Variants in ABCC8 observed in about 807,000 individuals in gnomAD.
The protein encoded by ABCC8 is ATP-binding cassette sub-family C member 8.
ABCC8 carries 137 observed loss-of-function variants against 188.0 expected under a neutral mutation model. The ratio of observed to expected loss-of-function variants is 0.73; its 90% CI spans 0.63 to 0.84. The LOEUF is 0.84. Ranked by LOEUF, ABCC8 falls within the 40% of genes least tolerant of loss-of-function variation. The probability of loss-of-function intolerance (pLI) is 0.00; values close to 1 mark genes in which losing one functional copy is unlikely to be tolerated. For synonymous variants in ABCC8, 797 were observed against 846.5 expected, an observed-to-expected ratio of 0.94 and a Z score of 1.01; for missense variants, 1,750 against 2,072.7, an observed-to-expected ratio of 0.84 and a Z score of 3.02.
intron 8 of ABCC8, 149 bp from the exon 9 acceptor site, chr11:17,443,461 G>T: frequency 7.5e-7 from 1 of 1,332,590 alleles, no homozygotes; most frequent in African/African-American, 1.4e-5. Context: ...GGAGTGCAGG[G>T]AAGGAGGAGA....
chr11:17,448,485 C>G (rs1334997328), intron 8 of ABCC8, 31 bp downstream of exon 8: 9 of 1,599,182 alleles, frequency 5.6e-6, no homozygotes, highest in Non-Finnish European at 7.7e-6. Flanking sequence ...GTCCTGCTGC[C>G]CCCCTCCCTT....
chr11:17,452,529 G>A (rs1956852026), intron 7 of ABCC8, among the ~76,000 whole-genome samples: 1 of 152,130 alleles, frequency 6.6e-6, no homozygotes, highest in South Asian at 2.1e-4. Context: ...TCACAATAGG[G>A]TTCGCACTCC....
intron 29 of ABCC8, 28 bp downstream of exon 29, chr11:17,402,633 C>T (rs368698651): frequency 1.4e-5 from 22 of 1,614,098 alleles, no homozygotes; most frequent in Non-Finnish European, 1.6e-5. Context: ...CTGTTCCACT[C>T]CTACCTTGGG....
intron 21 of ABCC8, among the ~76,000 whole-genome samples, chr11:17,411,207 C>A (rs1271472350): frequency 6.6e-6 from 1 of 152,212 alleles, no homozygotes; most frequent in Non-Finnish European, 1.5e-5. Context: ...GTGACACTGG[C>A]GCAAAGCCAG....
Position 17,406,898 on chromosome 11 carries a change from G to A in ABCC8, c.3152C>T (p.Ser1051Phe), listed in dbSNP as rs1954559827. Residue 1051 changes from serine (S) to phenylalanine (F), a missense_variant, in exon 25 of 39, where the codon TCC becomes TTC. Transcript: ENST00000389817. ...GGCCGCCAGTCACACCTGGCTGAGG[G>A]AGCAGTTCCTGGCTGCAGGGGTCAG... Reference protein sequence around the residue: ...LTLTPAARNCSLSQECTLDQT... With the variant: ...LTLTPAARNCFLSQECTLDQT... 2 of 1,614,098 alleles carry A rather than the reference G, an allele frequency of 1.2e-6. No individual in the cohort carries two copies. Among genetic ancestry groups the A allele is most frequent in the Non-Finnish European group, 1.7e-6 (2 of 1,180,046 alleles).
At chr11:17,430,476 G>A (rs539859808) in intron 12 of ABCC8, 6 of 382,442 alleles carry the variant, frequency 1.6e-5, no homozygotes, top group Non-Finnish European at 3.0e-5. Flanking sequence ...CCTCATTCTT[G>A]GTGGCTCTGG....
intron 17 of ABCC8, 175 bp from the exon 18 acceptor site, chr11:17,415,514 G>T: frequency 1.1e-6 from 1 of 934,710 alleles, no homozygotes. Flanking sequence ...GCCCATCTTG[G>T]GGAAGCCTCT....
intron 2 of ABCC8, among the ~76,000 whole-genome samples, chr11:17,472,690 G>A (rs534996451): frequency 4.6e-5 from 7 of 152,298 alleles, no homozygotes; most frequent in East Asian, 1.9e-4. Flanking sequence ...GGAGGAGATG[G>A]CCCTTTGCAC....
intron 18 of ABCC8, 69 bp downstream of exon 18, chr11:17,415,235 G>A (rs980082909): frequency 2.6e-6 from 4 of 1,563,244 alleles, no homozygotes; most frequent in Middle Eastern, 1.9e-4. Context: ...GGGTGATGTG[G>A]CTCCCTTGGG....
Position 17,413,383 on chromosome 11 carries a change from C to A in ABCC8, c.2475+11G>T, listed in dbSNP as rs566376658. 1 of 1,614,198 alleles carries A rather than the reference C, an allele frequency of 6.2e-7. No individual in the cohort carries two copies. Among genetic ancestry groups the A allele is most frequent in the Non-Finnish European group, 8.5e-7 (1 of 1,180,034 alleles). ...TGGCTTTGAAAAAACCCCTCAGAGG[C>A]TGCTACTAACCCGTTCCCCAATCTG... is the stretch of plus-strand genomic sequence containing the variant. On this transcript the variant is annotated intron_variant, in intron 20 of 38. Transcript: ENST00000389817.
At chr11:17,460,974 CA>C in intron 5 of ABCC8, 1 of 483,300 alleles carries the variant, frequency 2.1e-6, no homozygotes, top group Non-Finnish European at 3.7e-6. Context: ...GGCCATGTGC[CA>C]CACTCACTCA....
Position 17,394,286 on chromosome 11 carries a change from C to T in ABCC8, c.4525G>A (p.Ala1509Thr). ...CCAACCGTGGCCATGTCAATGGAAG[C>T]CGTGGCCTCGTCCATGATGAAGATG... ...TSIFIMDEATASIDMATENIL... is the reference protein window; with the variant it reads ...TSIFIMDEATTSIDMATENIL... Residue 1509 changes from alanine to threonine, a missense_variant, in exon 37 of 39, where the codon GCT (alanine) becomes ACT (threonine). Coordinates refer to ENST00000389817, the MANE Select transcript of ABCC8 (RefSeq NM_000352.6). 6.2e-7 allele frequency: 1 copy of T among 1,613,950 alleles called. No homozygotes were observed. The highest frequency in any genetic ancestry group is 8.5e-7 in the Non-Finnish European group (1 of 1,180,022).
At chr11:17,410,688 G>C in intron 21 of ABCC8, 35 bp from the exon 22 acceptor site, 4 of 1,613,642 alleles carry the variant, frequency 2.5e-6, no homozygotes, top group Non-Finnish European at 3.4e-6. Context: ...GTAGAGGGTA[G>C]GGAAAGGCAT....
At chr11:17,461,422 C>A (rs1362034819) in intron 5 of ABCC8, 161 bp downstream of exon 5, 21 of 898,904 alleles carry the variant, frequency 2.3e-5, no homozygotes, top group Non-Finnish European at 3.0e-5. Flanking sequence ...CTGCACCTGT[C>A]CCTGGTTCAC....
In ABCC8 at chr11:17,424,520, AC is replaced by A. The variant is rs530575529; in HGVS notation, c.2222+2528del. Among the ~76,000 whole-genome samples, 190 of 152,290 alleles carry A rather than the reference AC, an allele frequency of 1.2e-3. 1 individual carries two copies. The highest frequency in any genetic ancestry group is 4.3e-3 in the African/African-American group (177 of 41,568). ...CCTGCCAATCATGCCTGCTTCATCT[AC>A]ATAGGACAAGGAGAGCTCCTGAGGC... is the stretch of plus-strand genomic sequence containing the variant. On this transcript the variant is annotated intron_variant, in intron 16 of 38. Coordinates refer to ENST00000389817, the MANE Select transcript of ABCC8 (RefSeq NM_000352.6).
chr11:17,475,194 C>CATAGGACCAGG, intron 1 of ABCC8, 167 bp from the exon 2 acceptor site: 1 of 529,618 alleles, frequency 1.9e-6, no homozygotes, highest in Non-Finnish European at 2.4e-6. Context: ...ACTCATTCAG[C>CATAGGACCAGG]CTGGTCCTAT....
intron 10 of ABCC8, chr11:17,435,780 G>A: frequency 7.5e-7 from 1 of 1,329,070 alleles, no homozygotes; most frequent in Non-Finnish European, 1.1e-6. Flanking sequence ...CCCACATCAA[G>A]TGTCAGACCC....
chr11:17,438,251 G>A (rs78765197), intron 10 of ABCC8, among the ~76,000 whole-genome samples: 3,979 of 152,260 alleles, frequency 0.026, 167 homozygotes, highest in African/African-American at 0.092. Flanking sequence ...CCCAGGCCTG[G>A]CACACAGAAG....
chr11:17,413,653 G>A, intron 19 of ABCC8, 175 bp from the exon 20 acceptor site: 1 of 1,328,944 alleles, frequency 7.5e-7, no homozygotes, highest in Non-Finnish European at 1.0e-6. Context: ...GCTGAGGTCA[G>A]CACTTCACAC....
Sources: allele counts gnomAD v4.1 joint callset (sites outside exome capture counted in the v4.1 genomes callset), GRCh38; gene constraint gnomAD v4.1.1; transcripts MANE v1.5; gene names NCBI Gene and HGNC (gene_info 2026-07-23, HGNC 2026-07-21).